SLC22A4: variants seen among roughly 807,000 people sequenced by gnomAD.
SLC22A4 encodes solute carrier family 22 member 4, also known as ET transporter.
A neutral mutation model predicts 56.6 loss-of-function variants in SLC22A4; 39 were observed. That is an observed-to-expected ratio of 0.69 (90% confidence interval 0.53 to 0.90). SLC22A4 has a LOEUF of 0.90. Ranked by LOEUF, SLC22A4 falls within the 40% of genes least tolerant of loss-of-function variation. SLC22A4 has a pLI of 0.00. For missense variants in SLC22A4, 594 were observed against 696.5 expected, an observed-to-expected ratio of 0.85 and a Z score of 1.66; for synonymous variants, 241 against 281.4, an observed-to-expected ratio of 0.86 and a Z score of 1.44.
chr5:132,302,598 C>T (rs1456558604), intron 1 of SLC22A4, among the ~76,000 whole-genome samples: 1 of 152,212 alleles, frequency 6.6e-6, no homozygotes, highest in East Asian at 1.9e-4. Context: ...GCTGGTGGCT[C>T]CTGCTCAGCA....
At chr5:132,315,829 A>T (rs1017035471) in intron 3 of SLC22A4, among the ~76,000 whole-genome samples, 1 of 152,130 alleles carries the variant, frequency 6.6e-6, no homozygotes, top group Admixed American at 6.5e-5. Context: ...CTCTGCAGGA[A>T]ATTACTGGCT....
At chr5:132,325,376 G>A (rs577856465) in intron 4 of SLC22A4, among the ~76,000 whole-genome samples, 1 of 152,302 alleles carries the variant, frequency 6.6e-6, no homozygotes, top group South Asian at 2.1e-4. Flanking sequence ...GTTAGTGGGT[G>A]CTGTCTTAGT....
chr5:132,313,516 G>GA (rs1342605331), intron 2 of SLC22A4, 98 bp from the exon 3 acceptor site: 16 of 1,168,116 alleles, frequency 1.4e-5, no homozygotes, highest in East Asian at 2.3e-5. Flanking sequence ...CCAGAGCCCT[G>GA]AAAAAACACT....
chr5:132,303,891 G>T (rs1299161145), intron 1 of SLC22A4, among the ~76,000 whole-genome samples: 1 of 152,192 alleles, frequency 6.6e-6, no homozygotes, highest in African/African-American at 2.4e-5. Flanking sequence ...AGCGGGGAGA[G>T]ATAATCCAAA....
chr5:132,326,478 A>G (rs1750693561), intron 4 of SLC22A4, among the ~76,000 whole-genome samples: 1 of 152,230 alleles, frequency 6.6e-6, no homozygotes. Flanking sequence ...CATAAGTCGA[A>G]CCATCATAAG....
chr5:132,331,874 T>A, intron 6 of SLC22A4, 24 bp downstream of exon 6: 1 of 1,421,806 alleles, frequency 7.0e-7, no homozygotes, highest in South Asian at 1.1e-5. Flanking sequence ...GACCTGGAAA[T>A]GCAGATATCC....
rs1370803250 is a variant in SLC22A4, at chr5:132,322,262, T to A, written c.731T>A (p.Met244Lys). The change falls in exon 4 of 10, where the codon ATG becomes AAG. Residue 244 changes from methionine (M) to lysine (K), a missense_variant. Physicochemically the swap from Met to Lys is moderately conservative, Grantham distance 95. Transcript: ENST00000200652. ...GVCTFFAVGYMLLPLFAYFIR... is the reference protein window; with the variant it reads ...GVCTFFAVGYKLLPLFAYFIR... ...TGCACATTTTTTGCAGTTGGCTATATGCTGCTGCCACTGTTTGCTTACTTC... is the reference window on the plus strand; with the variant it reads ...TGCACATTTTTTGCAGTTGGCTATAAGCTGCTGCCACTGTTTGCTTACTTC... 6.2e-6 allele frequency: 10 copies of A among 1,613,886 alleles called. No homozygotes were observed. The highest frequency in any genetic ancestry group is 8.5e-6 in the Non-Finnish European group (10 of 1,179,872).
chr5:132,322,443 G>T lies in SLC22A4; in HGVS notation c.824+88G>T, dbSNP rs562167562. Reference sequence around the variant, plus strand: ...GGAGCCTGATGCTGACCTAGCCTGGGCTTGCATGACCTCCACGGAACTCGC... The same window carrying T: ...GGAGCCTGATGCTGACCTAGCCTGGTCTTGCATGACCTCCACGGAACTCGC... On this transcript the variant is annotated intron_variant, in intron 4 of 9. Coordinates refer to ENST00000200652, the MANE Select transcript of SLC22A4 (RefSeq NM_003059.3). 1,784 of 1,366,520 alleles carry T rather than the reference G, an allele frequency of 1.3e-3. 20 individuals are homozygous for T. Among genetic ancestry groups the T allele is most frequent in the Middle Eastern group, 1.5e-3 (6 of 4,080 alleles). 84.6% of individuals were successfully genotyped at this position (1,366,520 alleles called of 1,614,324 possible).
chr5:132,306,384 AATATATATATATATATATAT>A (rs55779142), intron 1 of SLC22A4, among the ~76,000 whole-genome samples: 508 of 30,564 alleles, frequency 0.017, 9 homozygotes, highest in East Asian at 0.057. Flanking sequence ...CAAACCGTGA[AATATATATATATATATATAT>A]ATATATATAT....
chr5:132,324,484 G>T (rs2126725392), intron 4 of SLC22A4: 1 of 470,784 alleles, frequency 2.1e-6, no homozygotes, highest in South Asian at 1.5e-5. Flanking sequence ...AATGCTCCTG[G>T]CTGTGGGCAT....
chr5:132,335,821 A>T lies in SLC22A4; in HGVS notation c.1265A>T (p.Tyr422Phe). ...TTATACCGGGTCTCTTTTCCAGATT[A>T]TTACTTCTTATCCATTGGTCTGGTC... The part of the protein sequence containing the change: ...LLFIQLVPVD[Y>F]YFLSIGLVML... Residue 422 changes from tyrosine (Y) to phenylalanine (F), a missense_variant, in exon 8 of 10, where the codon TAT becomes TTT. Tyr to Phe is a conservative substitution (Grantham distance 22). Coordinates refer to ENST00000200652, the MANE Select transcript of SLC22A4 (RefSeq NM_003059.3). The T allele has an allele frequency of 6.2e-7, 1 of 1,613,340 alleles. No individual in the cohort carries two copies. Among genetic ancestry groups the T allele is most frequent in the Non-Finnish European group, 8.5e-7 (1 of 1,179,298 alleles).
intron 1 of SLC22A4, among the ~76,000 whole-genome samples, chr5:132,304,296 T>C (rs990757313): frequency 1.3e-5 from 2 of 152,134 alleles, no homozygotes; most frequent in African/African-American, 4.8e-5. Flanking sequence ...AACAGCTGGG[T>C]GTGATACCAG....
intron 4 of SLC22A4, among the ~76,000 whole-genome samples, chr5:132,322,877 C>T (rs934121596): frequency 6.6e-6 from 1 of 152,206 alleles, no homozygotes; most frequent in Non-Finnish European, 1.5e-5. Context: ...GTCCTCTTCT[C>T]TCCTCCCACA....
intron 8 of SLC22A4, among the ~76,000 whole-genome samples, chr5:132,338,619 C>T (rs1751103227): frequency 1.3e-5 from 2 of 152,162 alleles, no homozygotes; most frequent in South Asian, 4.1e-4. Context: ...GGCCTACCCT[C>T]AGGGACGAAT....
intron 5 of SLC22A4, among the ~76,000 whole-genome samples, chr5:132,328,852 C>T (rs1391427468): frequency 1.3e-5 from 2 of 151,078 alleles, no homozygotes; most frequent in African/African-American, 4.9e-5. Flanking sequence ...CACACACACA[C>T]ACACACACAC....
chr5:132,327,607 T>C lies in SLC22A4; in HGVS notation c.951+204T>C, dbSNP rs995766395. Among the ~76,000 whole-genome samples, 10 of 152,264 alleles carry C rather than the reference T, an allele frequency of 6.6e-5. 1 individual carries two copies. Among genetic ancestry groups the C allele is most frequent in the African/African-American group, 2.4e-4 (10 of 41,478 alleles). ...ATTAAATGCAATAATATATGTAAAC[T>C]GCTTAGCAAATAGCAAGCGTTCATT... On this transcript the variant is annotated intron_variant, in intron 5 of 9. Coordinates refer to ENST00000200652, the MANE Select transcript of SLC22A4 (RefSeq NM_003059.3).
In SLC22A4 at chr5:132,335,396, G is replaced by A. The variant is rs7706873; in HGVS notation, c.1262-422G>A. 4.0e-3 allele frequency among the ~76,000 whole-genome samples: 613 copies of A among 152,250 alleles called. 3 individuals carry two copies. The highest frequency in any genetic ancestry group is 0.012 in the African/African-American group (486 of 41,556). On this transcript the variant is annotated intron_variant, in intron 7 of 9. Transcript: ENST00000200652. ...CTTCCCTTTTCCCCTTGTGTCTGAC[G>A]TTCTCATAATATTAAAATGTCACTA...
chr5:132,341,839 C>T (rs1404358651), intron 9 of SLC22A4, among the ~76,000 whole-genome samples: 3 of 151,828 alleles, frequency 2.0e-5, no homozygotes, highest in East Asian at 1.9e-4. Flanking sequence ...TCCCAGCTCG[C>T]GGGAGGCTGA....
rs765247850 is a variant in SLC22A4, at chr5:132,312,208, CCT to C, written c.442_443del (p.Leu148ValfsTer131). On this transcript the variant is annotated frameshift_variant, in exon 2 of 10. Transcript: ENST00000200652. LOFTEE classifies it high-confidence loss of function. ...DNWKVPLTTS[L>X]FFVGVLLGSF... The stretch of plus-strand genomic sequence containing the variant: ...ACTGGAAGGTGCCCCTCACCACCTC[CCT>C]GTTCTTCGTAGGCGTGCTCCTCGGC... 10 of 1,613,886 alleles carry C rather than the reference CCT, an allele frequency of 6.2e-6. No individual in the cohort carries two copies. The East Asian group carries it at 2.2e-4, about 36-fold the overall frequency.
Sources: allele counts gnomAD v4.1 joint callset (sites outside exome capture counted in the v4.1 genomes callset), GRCh38; gene constraint gnomAD v4.1.1; transcripts MANE v1.5; gene names NCBI Gene and HGNC (gene_info 2026-07-23, HGNC 2026-07-21).